The following SRD5A3 variants were observed in gnomAD, a reference collection of about 807,000 sequenced individuals.
SRD5A3 encodes steroid 5 alpha-reductase 3.
Under a neutral mutation model 34.3 loss-of-function variants are expected in SRD5A3, and 24 were observed. That is an observed-to-expected ratio of 0.70 (90% CI 0.51 to 0.99). SRD5A3 has a LOEUF of 0.99. Among genes scored for constraint, SRD5A3 ranks in the 50% least tolerant of loss-of-function variants. SRD5A3 has a pLI of 0.00. For missense variants in SRD5A3, 350 were observed against 388.2 expected, an observed-to-expected ratio of 0.90 and a Z score of 0.83; for synonymous variants, 161 against 167.3, an observed-to-expected ratio of 0.96 and a Z score of 0.29.
intron 1 of SRD5A3, among the ~76,000 whole-genome samples, chr4:55,356,000 A>ATTTTTTTTTTTTTTTTTTTTTTTTT (rs10648522): frequency 4.0e-5 from 3 of 74,264 alleles, no homozygotes; most frequent in Non-Finnish European, 7.0e-5. Flanking sequence ...TTTTGCCTCC[A>ATTTTTTTTTTTTTTTTTTTTTTTTT]TTTTTTTTTT....
intron 3 of SRD5A3, 41 bp from the exon 4 acceptor site, chr4:55,367,547 T>C (rs765149423): frequency 5.0e-6 from 8 of 1,611,128 alleles, no homozygotes; most frequent in Non-Finnish European, 5.9e-6. Context: ...CCTGAGCCTG[T>C]GAAATTGTTT....
intron 3 of SRD5A3, among the ~76,000 whole-genome samples, chr4:55,366,375 C>A (rs772120180): frequency 5.3e-5 from 8 of 152,150 alleles, no homozygotes; most frequent in Non-Finnish European, 1.2e-4. Context: ...GACAGGTTCT[C>A]GCTATGTTGG....
intron 1 of SRD5A3, among the ~76,000 whole-genome samples, chr4:55,354,396 G>T (rs1719347746): frequency 2.0e-5 from 3 of 152,230 alleles, no homozygotes; most frequent in East Asian, 3.9e-4. Flanking sequence ...CGCTCGGCCA[G>T]CAAATATGTA....
chr4:55,362,681 ACTCCTGGTCTCAAG>A (rs1276981187), intron 2 of SRD5A3, among the ~76,000 whole-genome samples: 5 of 149,676 alleles, frequency 3.3e-5, no homozygotes, highest in Non-Finnish European at 7.4e-5. Context: ...CTGGTCTCAA[ACTCCTGGTCTCAAG>A]CGATCCTCCA....
Position 55,372,817 on chromosome 4 carries a change from T to G in SRD5A3, c.*2726T>G, listed in dbSNP as rs189470303. ...AAAGTGTGCTGAAAATGGCCTTTGT[T>G]TTTGTGAAGCTCATCCTATACACTA... On this transcript the variant is annotated 3_prime_UTR_variant, in exon 5 of 5. Transcript: ENST00000264228. The G allele has an allele frequency of 6.6e-6, 1 of 152,288 alleles. No individual in the cohort carries two copies. The allele number at this position is 152,288 out of a possible 1,614,324, so 9.4% of individuals were successfully genotyped here.
At chr4:55,364,574 G>A in intron 3 of SRD5A3, 1 of 369,078 alleles carries the variant, frequency 2.7e-6, no homozygotes, top group Non-Finnish European at 5.2e-6. Flanking sequence ...AAATTAGCCA[G>A]GCGTGGTGGC....
intron 1 of SRD5A3, chr4:55,358,939 G>C (rs991122453): frequency 9.2e-6 from 2 of 216,598 alleles, no homozygotes; most frequent in African/African-American, 4.6e-5. Flanking sequence ...CTGCAATATT[G>C]TTTGGGATAT....
rs1056501383 is a variant in SRD5A3, at chr4:55,372,861, A to C, written c.*2770A>C. 2 of 151,080 alleles carry C rather than the reference A, an allele frequency of 1.3e-5. No homozygotes were observed. The highest frequency in any genetic ancestry group is 2.4e-5 in the African/African-American group (1 of 41,012). The allele number at this position is 151,080 out of a possible 1,614,324, so 9.4% of individuals were successfully genotyped here. ...TACACTAACATTTGCTTAACCATGG[A>C]TTATTTTGTCTCTACAAAGCTGTGC... is the stretch of plus-strand genomic sequence containing the variant. On this transcript the variant is annotated 3_prime_UTR_variant, in exon 5 of 5. Transcript: ENST00000264228.
intron 2 of SRD5A3, among the ~76,000 whole-genome samples, chr4:55,362,815 T>C (rs1016344521): frequency 6.6e-6 from 1 of 151,178 alleles, no homozygotes; most frequent in Non-Finnish European, 1.5e-5. Context: ...ATGGTGTGCA[T>C]GCGTGTGTGT....
chr4:55,346,306 G>C lies in SRD5A3; in HGVS notation c.-31G>C. The C allele has an allele frequency of 7.2e-7, 1 of 1,384,940 alleles. No individual in the cohort carries two copies. Among genetic ancestry groups the C allele is most frequent in the Non-Finnish European group, 9.3e-7 (1 of 1,074,370 alleles). 85.8% of individuals were successfully genotyped at this position (1,384,940 alleles called of 1,614,324 possible). A position where few individuals can be genotyped will look rare whatever the true frequency, so the allele number is the denominator to read the frequency against. ...CCGCGGGCTAGCGGGCGGTGGGGGC[G>C]CCAGCAGCGCGGAAGGCGGGCACGC... On this transcript the variant is annotated 5_prime_UTR_variant, in exon 1 of 5. Transcript: ENST00000264228.
At chr4:55,347,276 A>T (rs945611899) in intron 1 of SRD5A3, among the ~76,000 whole-genome samples, 5 of 152,252 alleles carry the variant, frequency 3.3e-5, no homozygotes, top group Admixed American at 6.5e-5. Flanking sequence ...TTCAGGACAT[A>T]GCTGGAAAGA....
intron 1 of SRD5A3, among the ~76,000 whole-genome samples, chr4:55,348,663 C>G (rs768103075): frequency 5.9e-5 from 9 of 152,172 alleles, no homozygotes; most frequent in Non-Finnish European, 1.2e-4. Flanking sequence ...CTAAGGAGTA[C>G]GTGCCTTTCC....
chr4:55,365,817 A>G (rs1012128375), intron 3 of SRD5A3, among the ~76,000 whole-genome samples: 1 of 152,228 alleles, frequency 6.6e-6, no homozygotes, highest in Admixed American at 6.5e-5. Context: ...TCATTGAGAG[A>G]AAACACATTG....
chr4:55,361,869 C>T (rs1445633375), intron 2 of SRD5A3, among the ~76,000 whole-genome samples: 1 of 152,096 alleles, frequency 6.6e-6, no homozygotes, highest in African/African-American at 2.4e-5. Flanking sequence ...GATCTCACTC[C>T]ACTCGTTAAA....
Position 55,370,431 on chromosome 4 carries a change from T to TCACACACACA in SRD5A3, c.*373_*382dup, listed in dbSNP as rs3034886. On this transcript the variant is annotated 3_prime_UTR_variant, in exon 5 of 5. Transcript: ENST00000264228. ...AAAAACCGAAAATATACAAACAGCT[T>TCACACACACA]CACACACACACACACACACACACAC... 2.2e-3 allele frequency: 487 copies of TCACACACACA among 225,922 alleles called. 2 individuals are homozygous for TCACACACACA. The highest frequency in any genetic ancestry group is 0.011 in the African/African-American group (429 of 40,572). 14.0% of individuals were successfully genotyped at this position (225,922 alleles called of 1,614,324 possible).
intron 3 of SRD5A3, chr4:55,366,900 G>C (rs1348904129): frequency 6.6e-6 from 1 of 152,626 alleles, no homozygotes; most frequent in African/African-American, 2.4e-5. Context: ...AGCAGCCGGA[G>C]AAGAAAGTGG....
In SRD5A3 at chr4:55,371,021, TC is replaced by T. The variant is rs1340001136; in HGVS notation, c.*935del. ...CTATCAATATCCATTTCCATTCATC[TC>T]CCCCTCAAATCATAGCCTAACAGAA... On this transcript the variant is annotated 3_prime_UTR_variant, in exon 5 of 5. Coordinates refer to ENST00000264228, the MANE Select transcript of SRD5A3 (RefSeq NM_024592.5). The T allele has an allele frequency of 6.6e-6, 1 of 152,192 alleles. No individual in the cohort carries two copies. The highest frequency in any genetic ancestry group is 2.4e-5 in the African/African-American group (1 of 41,442). The allele number at this position is 152,192 out of a possible 1,614,324, so 9.4% of individuals were successfully genotyped here.
chr4:55,368,912 T>C (rs552250316), intron 4 of SRD5A3, among the ~76,000 whole-genome samples: 4 of 151,768 alleles, frequency 2.6e-5, no homozygotes, highest in African/African-American at 9.7e-5. Flanking sequence ...CTAATTTTTA[T>C]ATTTTTAGTA....
At chr4:55,359,230 G>T in intron 1 of SRD5A3, 116 bp from the exon 2 acceptor site, 1 of 1,378,050 alleles carries the variant, frequency 7.3e-7, no homozygotes, top group Admixed American at 1.7e-5. Flanking sequence ...AAAAGCAAAG[G>T]TATACTTTGG....
Sources: gnomAD v4.1 joint callset for allele counts (sites outside exome capture counted in the v4.1 genomes callset) on GRCh38, gnomAD v4.1.1 for gene constraint, MANE v1.5 for transcripts, NCBI Gene and HGNC (gene_info 2026-07-23, HGNC 2026-07-21) for gene names.